The following BICRAL variants were observed in gnomAD, a reference collection of about 807,000 sequenced individuals.
BICRAL encodes BRD4-interacting chromatin-remodeling complex-associated protein-like.
Under a neutral mutation model 91.8 loss-of-function variants are expected in BICRAL, and 8 were observed. The ratio of observed to expected loss-of-function variants is 0.09; its 90% CI spans 0.05 to 0.16. The LOEUF is 0.16. Ranked by LOEUF, BICRAL falls within the 10% of genes least tolerant of loss-of-function variation. The pLI is 1.00. For missense variants in BICRAL, 1,038 were observed against 1,310.9 expected, an observed-to-expected ratio of 0.79 and a Z score of 3.21; for synonymous variants, 445 against 491.1, an observed-to-expected ratio of 0.91 and a Z score of 1.24.
At chr6:42,860,852 C>T (rs1456466839) in intron 11 of BICRAL, among the ~76,000 whole-genome samples, 2 of 152,248 alleles carry the variant, frequency 1.3e-5, no homozygotes, top group African/African-American at 4.8e-5. Flanking sequence ...TGAGGCCAGG[C>T]ATGGTGGCTT....
At chr6:42,752,901 C>T (rs1179897807) in intron 1 of BICRAL, among the ~76,000 whole-genome samples, 1 of 150,378 alleles carries the variant, frequency 6.6e-6, no homozygotes, top group East Asian at 1.9e-4. Flanking sequence ...CAGTGCCCTG[C>T]CCCCAGCTGA....
rs201744422 is a variant in BICRAL at position 42,865,528 on chromosome 6, A to G, written c.*82A>G. On this transcript the variant is annotated 3_prime_UTR_variant, in exon 13 of 13. Coordinates refer to ENST00000314073, the MANE Select transcript of BICRAL (RefSeq NM_001393499.1). ...GACCAGTTACATTCGTTCCTGGCAAAAGCAAATGGAAATGGTCTCCTGTCT... is the reference window on the plus strand; with the variant it reads ...GACCAGTTACATTCGTTCCTGGCAAGAGCAAATGGAAATGGTCTCCTGTCT... 451 of 704,342 alleles carry G rather than the reference A, an allele frequency of 6.4e-4. 2 individuals carry two copies. Among genetic ancestry groups the G allele is most frequent in the African/African-American group, 4.0e-3 (222 of 56,020 alleles). The allele number at this position is 704,342 out of a possible 1,614,324, so 43.6% of individuals were successfully genotyped here.
At chr6:42,757,562 T>C (rs760729012) in intron 1 of BICRAL, among the ~76,000 whole-genome samples, 1 of 152,156 alleles carries the variant, frequency 6.6e-6, no homozygotes, top group African/African-American at 2.4e-5. Context: ...AATTTTTGTA[T>C]TTTTAGTAGA....
Position 42,853,643 on chromosome 6 carries a change from G to T in BICRAL, c.1951G>T (p.Asp651Tyr). The T allele has an allele frequency of 1.2e-6, 2 of 1,612,338 alleles. No individual in the cohort carries two copies. Among genetic ancestry groups the T allele is most frequent in the Non-Finnish European group, 1.7e-6 (2 of 1,178,360 alleles). ...TCATGTATTAATTCTAATAGGGCAG[G>T]ATTCTGGAAGCAAAGTTATATCCGC... Reference protein sequence around the residue: ...GLLSTTLPGQDSGSKVISASL... With the variant: ...GLLSTTLPGQYSGSKVISASL... The change falls in exon 8 of 13, where the codon GAT becomes TAT. Residue 651 changes from aspartate (D) to tyrosine (Y), a missense_variant. Around this residue, in one of 5 missense-constraint regions of BICRAL, gnomAD observed 532 missense variants for 724.9 expected, o/e 0.73. Transcript: ENST00000314073.
At chr6:42,853,490 C>T in intron 7 of BICRAL, 148 bp from the exon 8 acceptor site, 1 of 609,830 alleles carries the variant, frequency 1.6e-6, no homozygotes, top group Non-Finnish European at 3.0e-6. Flanking sequence ...AATGCACTAC[C>T]CTGCCCTCCT....
intron 2 of BICRAL, among the ~76,000 whole-genome samples, chr6:42,814,519 A>ATTTT (rs70990145): frequency 2.5e-5 from 2 of 80,210 alleles, no homozygotes; most frequent in Non-Finnish European, 4.2e-5. Flanking sequence ...ATATATATAT[A>ATTTT]TTTTTTTTTT....
At chr6:42,814,030 G>C (rs1052369074) in intron 2 of BICRAL, among the ~76,000 whole-genome samples, 1 of 151,978 alleles carries the variant, frequency 6.6e-6, no homozygotes, top group Non-Finnish European at 1.5e-5. Context: ...AGGTCCGGGG[G>C]TAAAAATGTG....
At chr6:42,795,844 C>G (rs1265055194) in intron 1 of BICRAL, among the ~76,000 whole-genome samples, 2 of 152,126 alleles carry the variant, frequency 1.3e-5, no homozygotes, top group Non-Finnish European at 2.9e-5. Context: ...AATAAAAAGG[C>G]ACTGCAGTGA....
intron 1 of BICRAL, among the ~76,000 whole-genome samples, chr6:42,789,956 G>A (rs905870429): frequency 4.6e-5 from 7 of 152,150 alleles, no homozygotes; most frequent in Non-Finnish European, 1.5e-5. Context: ...AACCTAGGTA[G>A]AGTAGAATGA....
In BICRAL at chr6:42,822,823, A is replaced by G. The variant is rs1413233642; in HGVS notation, c.69A>G (p.Leu23=). Residue 23 remains leucine, a synonymous_variant, in exon 4 of 13, where the codon CTA becomes CTG. Transcript: ENST00000314073. ...ACCCACAAGCATTGAACTATTTTCT[A>G]CATGGACCTAGTAATAAATCTGTAA... ...IGDPQALNYF[L]HGPSNKSSND... The G allele has an allele frequency of 4.5e-6, 7 of 1,570,576 alleles. No individual in the cohort carries two copies. Among genetic ancestry groups the G allele is most frequent in the African/African-American group, 1.3e-5 (1 of 74,076 alleles).
intron 1 of BICRAL, among the ~76,000 whole-genome samples, chr6:42,747,631 G>A (rs899682439): frequency 6.6e-6 from 1 of 152,166 alleles, no homozygotes; most frequent in Non-Finnish European, 1.5e-5. Flanking sequence ...CCGCGCAGGC[G>A]GGGCGCGGGG....
At chr6:42,816,469 C>T (rs886124806) in intron 2 of BICRAL, among the ~76,000 whole-genome samples, 2 of 151,912 alleles carry the variant, frequency 1.3e-5, no homozygotes, top group African/African-American at 4.8e-5. Context: ...TACTTTTGCC[C>T]GGGCTGGAGT....
At chr6:42,783,357 T>G (rs1329221541) in intron 1 of BICRAL, among the ~76,000 whole-genome samples, 1 of 151,970 alleles carries the variant, frequency 6.6e-6, no homozygotes, top group Non-Finnish European at 1.5e-5. Flanking sequence ...GGACGGCGCA[T>G]TTTTGGCCGA....
At chr6:42,799,809 A>G (rs989746952) in intron 1 of BICRAL, among the ~76,000 whole-genome samples, 7 of 152,178 alleles carry the variant, frequency 4.6e-5, no homozygotes, top group African/African-American at 1.7e-4. Context: ...GTAGAAACTC[A>G]TTGTGAAACC....
At chr6:42,787,532 T>TG (rs1205434008) in intron 1 of BICRAL, among the ~76,000 whole-genome samples, 1 of 150,978 alleles carries the variant, frequency 6.6e-6, no homozygotes, top group Admixed American at 6.6e-5. Flanking sequence ...CAGCTCTGTG[T>TG]GGGGAAAAAA....
chr6:42,804,280 C>T lies in BICRAL; in HGVS notation c.-101-6026C>T, dbSNP rs528353582. ...CAGGTGAACCGCCCACCTCAGCCTC[C>T]CAAAAGTTCTGGGATTACAGGCGTG... On this transcript the variant is annotated intron_variant, in intron 1 of 12. Coordinates refer to ENST00000314073, the MANE Select transcript of BICRAL (RefSeq NM_001393499.1). Among the ~76,000 whole-genome samples the T allele has an allele frequency of 4.6e-5, 7 of 152,282 alleles. No individual in the cohort carries two copies. In the East Asian group the frequency reaches 1.4e-3, roughly 29 times the overall value.
In BICRAL at chr6:42,865,506, C is replaced by T. The variant is rs1242035016; in HGVS notation, c.*60C>T. The T allele has an allele frequency of 1.1e-5, 10 of 888,206 alleles. No individual in the cohort carries two copies. The highest frequency in any genetic ancestry group is 2.5e-5 in the East Asian group (1 of 40,064). The allele number at this position is 888,206 out of a possible 1,614,324, so 55.0% of individuals were successfully genotyped here. ...CCCACCCCGAGACCCCACCCCGGAC[C>T]AGTTACATTCGTTCCTGGCAAAAGC... On this transcript the variant is annotated 3_prime_UTR_variant, in exon 13 of 13. Transcript: ENST00000314073.
chr6:42,751,521 A>G (rs768039138), intron 1 of BICRAL, among the ~76,000 whole-genome samples: 8 of 152,240 alleles, frequency 5.3e-5, no homozygotes, highest in African/African-American at 1.2e-4. Context: ...AAGCAAAGGA[A>G]AACAGTCTTT....
chr6:42,826,695 A>G (rs577232593), intron 5 of BICRAL, among the ~76,000 whole-genome samples: 4 of 152,148 alleles, frequency 2.6e-5, no homozygotes, highest in South Asian at 2.1e-4. Context: ...CAGAAGTTGT[A>G]CTGCCCAAGG....
Sources: allele counts gnomAD v4.1 joint callset (sites outside exome capture counted in the v4.1 genomes callset), GRCh38; gene constraint gnomAD v4.1.1; regional missense constraint gnomAD v4.1.1; transcripts MANE v1.5; gene names NCBI Gene and HGNC (gene_info 2026-07-23, HGNC 2026-07-21).